CAMKMT: variants seen among roughly 807,000 people sequenced by gnomAD.
CAMKMT encodes the protein calmodulin-lysine N-methyltransferase.
Under a neutral mutation model 48.0 loss-of-function variants are expected in CAMKMT, and 53 were observed. That is an observed-to-expected ratio of 1.10 (90% CI 0.89 to 1.39). The LOEUF (loss-of-function observed/expected upper bound fraction) is 1.39. Ranked by LOEUF, CAMKMT falls within the 40% of genes most tolerant of loss-of-function variation. CAMKMT has a pLI of 0.00. For missense variants in CAMKMT, 428 were observed against 402.7 expected (o/e 1.06, Z -0.54); for synonymous variants, 165 against 152.3 (o/e 1.08, Z -0.61).
intron 2 of CAMKMT, among the ~76,000 whole-genome samples, chr2:44,380,831 A>T (rs1460402464): frequency 1.3e-5 from 2 of 152,108 alleles, no homozygotes; most frequent in African/African-American, 4.8e-5. Context: ...CTACCCCCTT[A>T]AAAAGGTCAT....
At chr2:44,408,890 C>T (rs80281406) in intron 3 of CAMKMT, among the ~76,000 whole-genome samples, 8,416 of 151,588 alleles carry the variant, frequency 0.056, 299 homozygotes, top group South Asian at 0.13. Flanking sequence ...TACAGGTGCA[C>T]ACCACCACAC....
At chr2:44,663,297 G>T (rs1036426030) in intron 3 of CAMKMT, among the ~76,000 whole-genome samples, 1 of 152,190 alleles carries the variant, frequency 6.6e-6, no homozygotes, top group Non-Finnish European at 1.5e-5. Context: ...CTCCACCTGA[G>T]AAGAGATGTT....
At position 44,511,625 on chromosome 2, in the gene CAMKMT, G is replaced by A. The variant is rs532897456; in HGVS notation, c.376+121320G>A. Among the ~76,000 whole-genome samples the A allele has an allele frequency of 7.8e-4, 118 of 152,222 alleles. 1 individual carries two copies. Among genetic ancestry groups the A allele is most frequent in the African/African-American group, 2.8e-3 (115 of 41,544 alleles). Reference sequence around the variant, plus strand: ...TTTTTATGGCTGACTAGTATTTCACGTCCTACATTCTTAATCGTTACATTG... The same window carrying A: ...TTTTTATGGCTGACTAGTATTTCACATCCTACATTCTTAATCGTTACATTG... On this transcript the variant is annotated intron_variant, in intron 3 of 10. Transcript: ENST00000378494.
intron 3 of CAMKMT, among the ~76,000 whole-genome samples, chr2:44,587,015 T>A (rs80192418): frequency 0.017 from 2,607 of 152,316 alleles, 26 homozygotes; most frequent in Non-Finnish European, 0.023. Flanking sequence ...CTCATTGTGG[T>A]TTTAATTTAA....
At chr2:44,414,392 G>T (rs748018065) in intron 3 of CAMKMT, among the ~76,000 whole-genome samples, 21 of 152,256 alleles carry the variant, frequency 1.4e-4, no homozygotes, top group Non-Finnish European at 2.6e-4. Context: ...CGTTATCTCA[G>T]TGCTTGACTG....
chr2:44,628,137 G>C (rs1262687944), intron 3 of CAMKMT, among the ~76,000 whole-genome samples: 1 of 151,948 alleles, frequency 6.6e-6, no homozygotes, highest in Non-Finnish European at 1.5e-5. Flanking sequence ...TTGTAGAGAT[G>C]GCATCTCACT....
chr2:44,682,579 A>C (rs1676083121), intron 3 of CAMKMT, among the ~76,000 whole-genome samples: 1 of 152,222 alleles, frequency 6.6e-6, no homozygotes, highest in Admixed American at 6.5e-5. Context: ...TGATATATCT[A>C]TTAACTGCCC....
chr2:44,439,602 G>C (rs1572878499), intron 3 of CAMKMT, among the ~76,000 whole-genome samples: 1 of 152,012 alleles, frequency 6.6e-6, no homozygotes, highest in Admixed American at 6.6e-5. Flanking sequence ...ACTTTGGGAG[G>C]CTGAAGCAGG....
At chr2:44,407,261 T>G (rs1220723229) in intron 3 of CAMKMT, among the ~76,000 whole-genome samples, 3 of 152,198 alleles carry the variant, frequency 2.0e-5, no homozygotes, top group Admixed American at 6.5e-5. Context: ...TTTGCACCCC[T>G]GTATGACAGA....
intron 3 of CAMKMT, among the ~76,000 whole-genome samples, chr2:44,655,622 T>C (rs1012106012): frequency 9.2e-5 from 14 of 152,178 alleles, no homozygotes; most frequent in African/African-American, 3.1e-4. Context: ...AATGAGAATA[T>C]GATTATCCAG....
At chr2:44,630,387 T>C (rs1424710959) in intron 3 of CAMKMT, among the ~76,000 whole-genome samples, 1 of 151,772 alleles carries the variant, frequency 6.6e-6, no homozygotes, top group Non-Finnish European at 1.5e-5. Context: ...AAAGCCAAAA[T>C]TGACAAATGG....
At chr2:44,707,514 G>T (rs768469489) in intron 6 of CAMKMT, 52 bp downstream of exon 6, 1 of 1,487,840 alleles carries the variant, frequency 6.7e-7, no homozygotes, top group Non-Finnish European at 9.3e-7. Context: ...CCTTTTTCCT[G>T]GCTGAGTAAC....
chr2:44,741,722 A>C (rs1187362233), intron 7 of CAMKMT, among the ~76,000 whole-genome samples: 3 of 152,112 alleles, frequency 2.0e-5, no homozygotes, highest in Non-Finnish European at 4.4e-5. Flanking sequence ...CAGGCATTTC[A>C]ATTTATTTTA....
Position 44,381,234 on chromosome 2 carries a change from A to G in CAMKMT, c.311+8346A>G, listed in dbSNP as rs190604796. On this transcript the variant is annotated intron_variant, in intron 2 of 10. Transcript: ENST00000378494. ...GTTGAAATCAAATTTTTTATTTTGA[A>G]TAGTGTTTTTAACTTTTAAAACATG... Among the ~76,000 whole-genome samples, 896 of 152,298 alleles carry G rather than the reference A, an allele frequency of 5.9e-3. 6 individuals carry two copies. The highest frequency in any genetic ancestry group is 0.021 in the African/African-American group (854 of 41,552).
At chr2:44,692,062 T>C (rs1174532823) in intron 3 of CAMKMT, among the ~76,000 whole-genome samples, 1 of 152,202 alleles carries the variant, frequency 6.6e-6, no homozygotes, top group African/African-American at 2.4e-5. Context: ...AATGATTGTT[T>C]TGGATCCATT....
chr2:44,740,501 G>C (rs1679617612), intron 7 of CAMKMT, among the ~76,000 whole-genome samples: 2 of 152,166 alleles, frequency 1.3e-5, no homozygotes, highest in African/African-American at 4.8e-5. Flanking sequence ...GGGGAATAGT[G>C]TCAGAATTTT....
At chr2:44,524,057 G>A (rs1442218287) in intron 3 of CAMKMT, among the ~76,000 whole-genome samples, 4 of 152,210 alleles carry the variant, frequency 2.6e-5, no homozygotes, top group African/African-American at 7.2e-5. Flanking sequence ...GATTACAGGC[G>A]TGAGCCACCG....
At chr2:44,770,915 G>A (rs1236797955) in intron 10 of CAMKMT, among the ~76,000 whole-genome samples, 1 of 152,214 alleles carries the variant, frequency 6.6e-6, no homozygotes, top group Admixed American at 6.5e-5. Flanking sequence ...CAGTTCTTGG[G>A]AAAGTAGATT....
chr2:44,392,552 C>T (rs1297828262), intron 3 of CAMKMT, among the ~76,000 whole-genome samples: 1 of 151,772 alleles, frequency 6.6e-6, no homozygotes, highest in African/African-American at 2.4e-5. Context: ...CAGCAGAGGG[C>T]GCCACAATCA....
Sources: allele counts gnomAD v4.1 joint callset (sites outside exome capture counted in the v4.1 genomes callset), GRCh38; gene constraint gnomAD v4.1.1; transcripts MANE v1.5; gene names NCBI Gene and HGNC (gene_info 2026-07-23, HGNC 2026-07-21).